Variants in PTPN13 observed in about 807,000 individuals in gnomAD.
PTPN13 encodes the protein protein tyrosine phosphatase non-receptor type 13.
Under a neutral mutation model 284.0 loss-of-function variants are expected in PTPN13, and 191 were observed. That is an observed-to-expected ratio of 0.67 (90% CI 0.60 to 0.76). The LOEUF is 0.76. PTPN13 is among the 30% of genes least tolerant of loss of function. The pLI is 0.00. For missense variants in PTPN13, 2,797 were observed against 2,939.9 expected, an observed-to-expected ratio of 0.95 and a Z score of 1.12; for synonymous variants, 986 against 1,022.3, an observed-to-expected ratio of 0.96 and a Z score of 0.68.
At chr4:86,744,783 G>A (rs778484561) in intron 16 of PTPN13, among the ~76,000 whole-genome samples, 183 bp from the exon 17 acceptor site, 15 of 152,246 alleles carry the variant, frequency 9.9e-5, no homozygotes, top group Non-Finnish European at 1.8e-4. Flanking sequence ...ACTTCAGGAT[G>A]TTTGCACAAT....
intron 1 of PTPN13, among the ~76,000 whole-genome samples, chr4:86,598,888 C>A (rs563649982): frequency 6.6e-6 from 1 of 152,124 alleles, no homozygotes; most frequent in Non-Finnish European, 1.5e-5. Flanking sequence ...CCTCAGCATC[C>A]TGAATAACTG....
At chr4:86,732,372 A>T (rs769279859) in intron 10 of PTPN13, 28 bp from the exon 11 acceptor site, 3 of 1,496,018 alleles carry the variant, frequency 2.0e-6, no homozygotes, top group East Asian at 2.4e-5. Context: ...ATAGTAAAAA[A>T]TATTGATTCT....
intron 1 of PTPN13, among the ~76,000 whole-genome samples, chr4:86,631,678 G>C (rs986506435): frequency 1.3e-5 from 2 of 151,994 alleles, no homozygotes; most frequent in Non-Finnish European, 2.9e-5. Flanking sequence ...TACAAAAAAA[G>C]TTTAAATAAA....
chr4:86,787,341 C>G, intron 40 of PTPN13, among the ~76,000 whole-genome samples: 1 of 152,006 alleles, frequency 6.6e-6, no homozygotes, highest in Non-Finnish European at 1.5e-5. Flanking sequence ...GCCTGTAATC[C>G]CAGCACTCTG....
In PTPN13 at chr4:86,627,939, A is replaced by AT. The variant is rs1026188795; in HGVS notation, c.-5-7304dup. On this transcript the variant is annotated intron_variant, in intron 1 of 47. Transcript: ENST00000411767. ...TATTCCATTGTGAGGATATACTAAG[A>AT]TTTTTTTTTGTCCATTCACCTGTTG... Among the ~76,000 whole-genome samples the AT allele has an allele frequency of 2.7e-3, 409 of 151,742 alleles. 2 individuals carry two copies. Among genetic ancestry groups the AT allele is most frequent in the African/African-American group, 9.4e-3 (389 of 41,376 alleles).
intron 2 of PTPN13, among the ~76,000 whole-genome samples, chr4:86,658,457 A>G (rs112682369): frequency 6.6e-6 from 1 of 152,108 alleles, no homozygotes; most frequent in African/African-American, 2.4e-5. Context: ...TCTTGCATGG[A>G]TGGTTGTTCA....
intron 3 of PTPN13, among the ~76,000 whole-genome samples, chr4:86,680,603 T>C (rs1578402904): frequency 1.3e-5 from 2 of 152,156 alleles, no homozygotes; most frequent in Non-Finnish European, 2.9e-5. Flanking sequence ...TTCCTGACTG[T>C]TCCCTCTGCC....
chr4:86,766,236 A>C (rs1739298260), intron 26 of PTPN13, among the ~76,000 whole-genome samples, 196 bp from the exon 27 acceptor site: 1 of 152,254 alleles, frequency 6.6e-6, no homozygotes, highest in Non-Finnish European at 1.5e-5. Context: ...TTATAAAGAT[A>C]CTGTTCTAAA....
At chr4:86,779,276 G>A (rs543850737) in intron 35 of PTPN13, among the ~76,000 whole-genome samples, 1 of 152,164 alleles carries the variant, frequency 6.6e-6, no homozygotes, top group East Asian at 1.9e-4. Flanking sequence ...TCTTAGCCGG[G>A]CGTGGTGGCG....
intron 1 of PTPN13, among the ~76,000 whole-genome samples, chr4:86,626,157 G>C (rs560070985): frequency 6.6e-6 from 1 of 152,254 alleles, no homozygotes; most frequent in East Asian, 1.9e-4. Context: ...ATGATGCAGA[G>C]AGGGACTGAA....
At chr4:86,720,906 C>T (rs28416315) in intron 9 of PTPN13, among the ~76,000 whole-genome samples, 12,429 of 151,956 alleles carry the variant, frequency 0.082, 645 homozygotes, top group Non-Finnish European at 0.11. Context: ...CTATCAAAAG[C>T]GTCTTTCAGT....
intron 3 of PTPN13, among the ~76,000 whole-genome samples, chr4:86,678,786 A>G (rs953363453): frequency 6.6e-6 from 1 of 152,040 alleles, no homozygotes; most frequent in African/African-American, 2.4e-5. Flanking sequence ...TTTTGAGTCT[A>G]CCTCTTTAGT....
rs1741776361 is a variant in PTPN13, at chr4:86,785,356, TC to T, written c.6246del (p.Cys2083ValfsTer6). The T allele has an allele frequency of 6.2e-7, 1 of 1,610,602 alleles. No homozygotes were observed. Among genetic ancestry groups the T allele is most frequent in the Non-Finnish European group, 8.5e-7 (1 of 1,178,190 alleles). On this transcript the variant is annotated frameshift_variant, in exon 39 of 48. Coordinates refer to ENST00000411767, the MANE Select transcript of PTPN13 (RefSeq NM_080683.3). LOFTEE classifies it high-confidence loss of function. ...LLNENNAAGY[S>X]CGPGTLKMNG... ...AAACGAAAATAATGCAGCAGGATAC[TC>T]CTGTGGTCCAGGTACGTGAACCAGA...
chr4:86,763,527 A>G (rs2149251007), intron 24 of PTPN13, among the ~76,000 whole-genome samples: 1 of 152,336 alleles, frequency 6.6e-6, no homozygotes, highest in South Asian at 2.1e-4. Flanking sequence ...TTGTTTCTAA[A>G]TAGTTCGTAT....
chr4:86,602,235 T>A (rs1764353905), intron 1 of PTPN13, among the ~76,000 whole-genome samples: 1 of 152,150 alleles, frequency 6.6e-6, no homozygotes, highest in Admixed American at 6.6e-5. Flanking sequence ...GGAGCCAGAA[T>A]GCCTGGGTTT....
rs778641501 is a variant in PTPN13 at position 86,775,187 on chromosome 4, T to G, written c.5525T>G (p.Val1842Gly). Residue 1842 changes from valine to glycine, a missense_variant, in exon 34 of 48, where the codon GTT becomes GGT. Val to Gly is a moderately radical substitution (Grantham distance 109). Transcript: ENST00000411767. The part of the protein sequence containing the change: ...DRLIKVNDTD[V>G]TNMTHTDAVN... The stretch of plus-strand genomic sequence containing the variant: ...TTTTTGTAGGTTAATGATACAGATG[T>G]TACTAATATGACTCATACAGATGCA... The G allele has an allele frequency of 1.9e-6, 3 of 1,603,538 alleles. No homozygotes were observed. Among genetic ancestry groups the G allele is most frequent in the Non-Finnish European group, 2.5e-6 (3 of 1,176,758 alleles).
chr4:86,623,351 A>G (rs1269211000), intron 1 of PTPN13, among the ~76,000 whole-genome samples: 1 of 152,044 alleles, frequency 6.6e-6, no homozygotes, highest in East Asian at 1.9e-4. Flanking sequence ...GATTTTCTCT[A>G]CCCACTCCAC....
chr4:86,792,955 C>A (rs1269283023), intron 40 of PTPN13, among the ~76,000 whole-genome samples: 1 of 152,148 alleles, frequency 6.6e-6, no homozygotes, highest in Non-Finnish European at 1.5e-5. Context: ...CATCAATTAA[C>A]AGGCAAAATA....
chr4:86,689,035 A>G lies in PTPN13; in HGVS notation c.391A>G (p.Ile131Val), dbSNP rs1203223717. Residue 131 changes from isoleucine to valine, a missense_variant, in exon 5 of 48, where the codon ATA becomes GTA. Physicochemically the swap from Ile to Val is conservative, Grantham distance 29. Transcript: ENST00000411767. ...PIKLGDHLNS[I>V]LLGMCEDVIY... ...TAAGCTTGGAGATCATCTCAACAGCATACTGCTTGGAATGTGTGAGGATGT... is the reference window on the plus strand; with the variant it reads ...TAAGCTTGGAGATCATCTCAACAGCGTACTGCTTGGAATGTGTGAGGATGT... 36 of 1,578,894 alleles carry G rather than the reference A, an allele frequency of 2.3e-5. No individual in the cohort carries two copies. The highest frequency in any genetic ancestry group is 2.9e-5 in the Non-Finnish European group (33 of 1,148,024).
Sources: gnomAD v4.1 joint callset for allele counts (sites outside exome capture counted in the v4.1 genomes callset) on GRCh38, gnomAD v4.1.1 for gene constraint, MANE v1.5 for transcripts, NCBI Gene and HGNC (gene_info 2026-07-23, HGNC 2026-07-21) for gene names.